Variants in EML6 observed in about 807,000 individuals in gnomAD.
The protein encoded by EML6 is echinoderm microtubule-associated protein-like 6.
In EML6, 154 loss-of-function variants were observed where a neutral mutation model predicts 240.1. That is an observed-to-expected ratio of 0.64 (90% confidence interval 0.56 to 0.73). The LOEUF is 0.73. Among genes scored for constraint, EML6 ranks in the 30% least tolerant of loss-of-function variants. The pLI, the probability that EML6 is intolerant of heterozygous loss-of-function variation, is 0.00. For synonymous variants in EML6, 1,148 were observed against 899.0 expected (o/e 1.28, Z -4.95); for missense variants, 2,964 against 2,474.6 (o/e 1.20, Z -4.20).
At chr2:54,886,429 C>T (rs920565214) in intron 17 of EML6, among the ~76,000 whole-genome samples, 1 of 152,176 alleles carries the variant, frequency 6.6e-6, no homozygotes, top group African/African-American at 2.4e-5. Context: ...CTCAGCCCCC[C>T]AGAGTGTTGG....
In EML6 at chr2:54,869,157, G is replaced by C. The variant is rs766378835; in HGVS notation, c.2052-24G>C. On this transcript the variant is annotated intron_variant, in intron 14 of 41. Transcript: ENST00000356458. ...CATTTGCTGTTTGTTCAACCACTATGCATTTCTTGGACCTGTGCTTCAGTT... is the reference window on the plus strand; with the variant it reads ...CATTTGCTGTTTGTTCAACCACTATCCATTTCTTGGACCTGTGCTTCAGTT... 9.3e-6 allele frequency: 14 copies of C among 1,504,746 alleles called. No homozygotes were observed. In the African/African-American group the frequency reaches 9.7e-5, roughly 10 times the overall value. The allele number at this position is 1,504,746 out of a possible 1,614,324, so 93.2% of individuals were successfully genotyped here. A position where few individuals can be genotyped will look rare whatever the true frequency, so the allele number is the denominator to read the frequency against.
At chr2:54,824,935 C>T (rs1435532805) in intron 5 of EML6, among the ~76,000 whole-genome samples, 1 of 152,168 alleles carries the variant, frequency 6.6e-6, no homozygotes, top group Admixed American at 6.5e-5. Context: ...GTAGGAAATG[C>T]TTCTCAAAAA....
chr2:54,912,150 T>G (rs1294810897), intron 25 of EML6, among the ~76,000 whole-genome samples: 1 of 152,260 alleles, frequency 6.6e-6, no homozygotes, highest in Non-Finnish European at 1.5e-5. Context: ...TGTCATTGTT[T>G]GTAAAGGAAG....
At chr2:54,863,932 G>A (rs1166396306) in intron 13 of EML6, 43 bp downstream of exon 13, 9 of 1,061,662 alleles carry the variant, frequency 8.5e-6, no homozygotes, top group Non-Finnish European at 1.1e-5. Flanking sequence ...CCCCAGAAGG[G>A]GATCTCATTC....
At chr2:54,770,403 G>T (rs935224249) in intron 2 of EML6, among the ~76,000 whole-genome samples, 1 of 152,118 alleles carries the variant, frequency 6.6e-6, no homozygotes, top group Non-Finnish European at 1.5e-5. Flanking sequence ...CATTCCTGTG[G>T]GATGATATAG....
chr2:54,791,539 C>T (rs1421202337), intron 2 of EML6, among the ~76,000 whole-genome samples: 2 of 152,216 alleles, frequency 1.3e-5, no homozygotes, highest in Non-Finnish European at 1.5e-5. Context: ...GTCCCCACTT[C>T]TAGTTCCAGT....
At chr2:54,898,841 G>A (rs1035582763) in intron 21 of EML6, among the ~76,000 whole-genome samples, 2 of 152,168 alleles carry the variant, frequency 1.3e-5, no homozygotes, top group African/African-American at 4.8e-5. Context: ...TTTACACACT[G>A]CATTATAGAG....
At chr2:54,828,088 A>G (rs538203696) in intron 6 of EML6, among the ~76,000 whole-genome samples, 1 of 152,346 alleles carries the variant, frequency 6.6e-6, no homozygotes, top group Admixed American at 6.5e-5. Flanking sequence ...GTTAAAATGC[A>G]GATTCTGGCT....
chr2:54,874,171 G>C (rs1447133999), intron 16 of EML6, among the ~76,000 whole-genome samples: 2 of 152,222 alleles, frequency 1.3e-5, no homozygotes, highest in Admixed American at 6.5e-5. Context: ...TATGAGATGA[G>C]TTGGTAGCAA....
At position 54,792,177 on chromosome 2, in the gene EML6, CTG is replaced by C. The variant is rs953597117; in HGVS notation, c.198-21053_198-21052del. 9.9e-5 allele frequency among the ~76,000 whole-genome samples: 15 copies of C among 152,182 alleles called. No homozygotes were observed. The South Asian group carries it at 1.5e-3, about 15-fold the overall frequency. Reference sequence around the variant, plus strand: ...ATTCATCTTAAAGCCATATATTTCTCTGTACCCTTTTGACATGTAATATTTTC... The same window carrying C: ...ATTCATCTTAAAGCCATATATTTCTCTACCCTTTTGACATGTAATATTTTC... On this transcript the variant is annotated intron_variant, in intron 2 of 41. Coordinates refer to ENST00000356458, the MANE Select transcript of EML6 (RefSeq NM_001039753.4).
At chr2:54,761,597 A>C (rs907731479) in intron 2 of EML6, among the ~76,000 whole-genome samples, 1 of 152,204 alleles carries the variant, frequency 6.6e-6, no homozygotes, top group Non-Finnish European at 1.5e-5. Context: ...TGATTCTTTC[A>C]CTAACATAAA....
chr2:54,831,896 C>T (rs145840234), intron 7 of EML6, among the ~76,000 whole-genome samples: 26 of 152,278 alleles, frequency 1.7e-4, no homozygotes, highest in Admixed American at 1.6e-3. Context: ...AGAATTGCTG[C>T]TGACGACCAG....
chr2:54,876,776 A>C (rs1427160489), intron 16 of EML6, among the ~76,000 whole-genome samples: 2 of 152,204 alleles, frequency 1.3e-5, no homozygotes, highest in Admixed American at 6.5e-5. Flanking sequence ...TATATTGTGT[A>C]AGGATCAAAT....
chr2:54,893,499 A>G (rs1165035970), intron 19 of EML6, among the ~76,000 whole-genome samples: 1 of 152,088 alleles, frequency 6.6e-6, no homozygotes, highest in Non-Finnish European at 1.5e-5. Flanking sequence ...GGTCTAGTCA[A>G]CTCTGAAAGT....
chr2:54,807,184 A>G (rs892231169), intron 2 of EML6, among the ~76,000 whole-genome samples: 2 of 152,144 alleles, frequency 1.3e-5, no homozygotes, highest in Non-Finnish European at 2.9e-5. Context: ...ACTTGACAAA[A>G]TCAAATGAGG....
At chr2:54,760,822 A>ATTTTTT (rs200476039) in intron 2 of EML6, among the ~76,000 whole-genome samples, 1,360 of 120,304 alleles carry the variant, frequency 0.011, 48 homozygotes, top group African/African-American at 0.041. Context: ...TTGAGGGAGC[A>ATTTTTT]TTTTTTTTTT....
intron 25 of EML6, among the ~76,000 whole-genome samples, chr2:54,913,282 GT>G (rs746755493): frequency 2.9e-4 from 43 of 149,468 alleles, no homozygotes; most frequent in Non-Finnish European, 1.0e-4. Flanking sequence ...GGGTCTTGCT[GT>G]ATCACCCAGG....
rs1045599796 is a variant in EML6, at chr2:54,850,122, T to A, written c.1348T>A (p.Ser450Thr). The change falls in exon 10 of 42, where the codon TCC becomes ACC. Residue 450 changes from serine (S) to threonine (T), a missense_variant. Coordinates refer to ENST00000356458, the MANE Select transcript of EML6 (RefSeq NM_001039753.4). ...RYKKIGECSK[S>T]LSFITHIDWS... is the part of the protein sequence containing the mutation. ...TAAGAAAATTGGAGAATGCAGCAAG[T>A]CCCTTAGTTTCATCACGCATATTGA... 5.2e-6 allele frequency: 8 copies of A among 1,551,842 alleles called. No homozygotes were observed. The highest frequency in any genetic ancestry group is 7.0e-6 in the Non-Finnish European group (8 of 1,147,022).
At chr2:54,746,236 C>T (rs1188424279) in intron 2 of EML6, among the ~76,000 whole-genome samples, 1 of 152,188 alleles carries the variant, frequency 6.6e-6, no homozygotes, top group Admixed American at 6.5e-5. Context: ...TAATAGGCAC[C>T]TATTCTGGGA....
Sources: gnomAD v4.1 joint callset for allele counts (sites outside exome capture counted in the v4.1 genomes callset) on GRCh38, gnomAD v4.1.1 for gene constraint, MANE v1.5 for transcripts, NCBI Gene and HGNC (gene_info 2026-07-23, HGNC 2026-07-21) for gene names.